Variants in TTC28 observed in about 807,000 individuals in gnomAD.
TTC28 encodes tetratricopeptide repeat domain 28.
Under a neutral mutation model 198.0 loss-of-function variants are expected in TTC28, and 61 were observed. That is an observed-to-expected ratio of 0.31 (90% CI 0.25 to 0.38). TTC28 has a LOEUF of 0.38. Ranked by LOEUF, TTC28 falls within the 10% of genes least tolerant of loss-of-function variation. The probability of loss-of-function intolerance (pLI) is 1.00; values close to 1 mark genes in which losing one functional copy is unlikely to be tolerated. For synonymous variants in TTC28, 1,171 were observed against 1,297.8 expected (o/e 0.90, Z 2.10); for missense variants, 2,678 against 3,164.0 (o/e 0.85, Z 3.69).
At chr22:28,361,908 C>T (rs1310016668) in intron 2 of TTC28, among the ~76,000 whole-genome samples, 4 of 152,220 alleles carry the variant, frequency 2.6e-5, no homozygotes, top group South Asian at 2.1e-4. Flanking sequence ...AATGATGGCA[C>T]CTCTGTTTAC....
At chr22:28,299,064 A>G (rs2044961065) in intron 3 of TTC28, among the ~76,000 whole-genome samples, 1 of 152,108 alleles carries the variant, frequency 6.6e-6, no homozygotes, top group South Asian at 2.1e-4. Context: ...TTTTTTTCCC[A>G]TTTGAAGCTA....
chr22:28,004,532 T>C (rs976362841), intron 14 of TTC28, among the ~76,000 whole-genome samples: 3 of 152,220 alleles, frequency 2.0e-5, no homozygotes, highest in African/African-American at 7.2e-5. Flanking sequence ...CCCTGCATCA[T>C]GCCTAGGAGC....
At chr22:28,225,065 C>A (rs745579704) in intron 5 of TTC28, among the ~76,000 whole-genome samples, 4 of 152,166 alleles carry the variant, frequency 2.6e-5, no homozygotes, top group Middle Eastern at 6.8e-3. Flanking sequence ...CAGACTACTG[C>A]CACATCTCAC....
At chr22:28,349,058 G>C (rs1003637236) in intron 2 of TTC28, among the ~76,000 whole-genome samples, 1 of 152,168 alleles carries the variant, frequency 6.6e-6, no homozygotes, top group Non-Finnish European at 1.5e-5. Context: ...CCTGACTGCT[G>C]TCAGCAGACA....
At chr22:28,350,214 G>A (rs931576986) in intron 2 of TTC28, among the ~76,000 whole-genome samples, 4 of 152,104 alleles carry the variant, frequency 2.6e-5, no homozygotes, top group African/African-American at 7.2e-5. Flanking sequence ...CCACATTCCA[G>A]ATAAAGTATA....
chr22:28,133,350 C>A (rs1201210780), intron 6 of TTC28, among the ~76,000 whole-genome samples: 1 of 152,188 alleles, frequency 6.6e-6, no homozygotes, highest in East Asian at 1.9e-4. Context: ...CCAGGTTCAT[C>A]TCACTGGGGC....
chr22:28,669,613 G>T (rs566520553), intron 1 of TTC28, among the ~76,000 whole-genome samples: 2 of 152,186 alleles, frequency 1.3e-5, no homozygotes, highest in South Asian at 4.1e-4. Context: ...CCTACAATTT[G>T]GCAAAATAAT....
chr22:28,548,268 T>C (rs1021359834), intron 2 of TTC28, among the ~76,000 whole-genome samples: 9 of 152,174 alleles, frequency 5.9e-5, no homozygotes, highest in African/African-American at 1.9e-4. Context: ...GCATGAACCC[T>C]TCTCTAAAAA....
At chr22:28,272,070 C>T (rs878910010) in intron 5 of TTC28, among the ~76,000 whole-genome samples, 20 of 152,268 alleles carry the variant, frequency 1.3e-4, no homozygotes, top group East Asian at 7.7e-4. Context: ...TACCCACTCT[C>T]GGGTATGTCT....
chr22:28,304,240 G>C (rs2045089146), intron 3 of TTC28, among the ~76,000 whole-genome samples: 1 of 151,634 alleles, frequency 6.6e-6, no homozygotes. Context: ...AGCCGAGATG[G>C]CGCCACTGCA....
chr22:28,014,152 G>A, intron 14 of TTC28, 96 bp downstream of exon 14: 1 of 1,399,112 alleles, frequency 7.1e-7, no homozygotes, highest in South Asian at 1.5e-5. Flanking sequence ...TGTCTCGGGA[G>A]CCCATTTTGG....
At chr22:28,218,345 G>C (rs1424082670) in intron 5 of TTC28, among the ~76,000 whole-genome samples, 1 of 151,932 alleles carries the variant, frequency 6.6e-6, no homozygotes, top group Non-Finnish European at 1.5e-5. Context: ...ACTTCATCAA[G>C]AAAATAAGTG....
chr22:28,132,658 A>C (rs1332949396), intron 6 of TTC28, among the ~76,000 whole-genome samples: 5 of 152,152 alleles, frequency 3.3e-5, no homozygotes, highest in South Asian at 4.1e-4. Flanking sequence ...GAAGTACCCC[A>C]CTGAGAGCTT....
At chr22:28,535,073 AAAAG>A (rs2049238186) in intron 2 of TTC28, among the ~76,000 whole-genome samples, 1 of 152,204 alleles carries the variant, frequency 6.6e-6, no homozygotes, top group African/African-American at 2.4e-5. Flanking sequence ...AATAATAAAA[AAAAG>A]AAAGATGACG....
chr22:28,331,691 T>A (rs1397755367), intron 2 of TTC28, among the ~76,000 whole-genome samples: 1 of 152,146 alleles, frequency 6.6e-6, no homozygotes, highest in Non-Finnish European at 1.5e-5. Context: ...AAACTCAGTG[T>A]CTTTCAAACT....
chr22:27,990,044 C>G (rs1447941268), intron 20 of TTC28, 37 bp from the exon 21 acceptor site: 1 of 1,535,646 alleles, frequency 6.5e-7, no homozygotes, highest in Non-Finnish European at 8.8e-7. Flanking sequence ...CCCTGTGTCT[C>G]CTTCCCCTCC....
At chr22:28,531,964 T>A (rs532842440) in intron 2 of TTC28, among the ~76,000 whole-genome samples, 1 of 152,060 alleles carries the variant, frequency 6.6e-6, no homozygotes, top group Non-Finnish European at 1.5e-5. Flanking sequence ...GCAGGAAAGA[T>A]CTAAAATTGA....
chr22:28,433,907 A>C (rs1471801601), intron 2 of TTC28, among the ~76,000 whole-genome samples: 1 of 152,250 alleles, frequency 6.6e-6, no homozygotes, highest in Admixed American at 6.5e-5. Flanking sequence ...AGTCTCTGAC[A>C]CTGCATCCTC....
intron 2 of TTC28, among the ~76,000 whole-genome samples, chr22:28,462,314 T>A (rs998771987): frequency 6.6e-6 from 1 of 152,134 alleles, no homozygotes; most frequent in East Asian, 1.9e-4. Flanking sequence ...TTAAGAGCCA[T>A]AATGTGGTTC....
Sources: gnomAD v4.1 joint callset for allele counts (sites outside exome capture counted in the v4.1 genomes callset) on GRCh38, gnomAD v4.1.1 for gene constraint, MANE v1.5 for transcripts, NCBI Gene and HGNC (gene_info 2026-07-23, HGNC 2026-07-21) for gene names.